The following MAGI2 variants were observed in gnomAD, a reference collection of about 807,000 sequenced individuals.
MAGI2 encodes the protein membrane-associated guanylate kinase, WW and PDZ domain-containing protein 2.
Under a neutral mutation model 133.3 loss-of-function variants are expected in MAGI2, and 35 were observed. The observed-to-expected ratio is 0.26, with a 90% CI of 0.20 to 0.35. The LOEUF (loss-of-function observed/expected upper bound fraction) is 0.35, where lower values mean the gene tolerates loss of function less well. Ranked by LOEUF, MAGI2 falls within the 10% of genes least tolerant of loss-of-function variation. The pLI is 1.00. For synonymous variants in MAGI2, 729 were observed against 710.6 expected (o/e 1.03, Z -0.41); for missense variants, 1,636 against 1,863.4 (o/e 0.88, Z 2.25).
intron 1 of MAGI2, among the ~76,000 whole-genome samples, chr7:79,220,203 T>C (rs7805028): frequency 0.6 from 90,841 of 151,662 alleles, 28,823 homozygotes; most frequent in Non-Finnish European, 0.7. Context: ...TACAGGATGG[T>C]GATGTGGTGG....
At chr7:79,381,853 A>G (rs898543783) in intron 1 of MAGI2, among the ~76,000 whole-genome samples, 2 of 151,814 alleles carry the variant, frequency 1.3e-5, no homozygotes, top group Admixed American at 1.3e-4. Flanking sequence ...TGTATTATAA[A>G]CATGTTATTA....
intron 21 of MAGI2, among the ~76,000 whole-genome samples, chr7:78,065,998 T>C (rs1813765854): frequency 6.6e-6 from 1 of 152,158 alleles, no homozygotes; most frequent in Non-Finnish European, 1.5e-5. Context: ...CTCATAATAA[T>C]GAGATGTTTT....
intron 1 of MAGI2, among the ~76,000 whole-genome samples, chr7:79,118,066 A>G (rs1442320925): frequency 6.6e-6 from 1 of 152,194 alleles, no homozygotes; most frequent in Non-Finnish European, 1.5e-5. Context: ...AATGCGATGC[A>G]AGTCCATACA....
chr7:78,862,152 C>T (rs1314071237), intron 2 of MAGI2, among the ~76,000 whole-genome samples: 2 of 152,180 alleles, frequency 1.3e-5, no homozygotes, highest in Admixed American at 1.3e-4. Flanking sequence ...TGATCCTGAA[C>T]TTAATTGTAA....
rs764428321 is a variant in MAGI2 at position 78,183,390 on chromosome 7, C to T, written c.2311+2239G>A. Among the ~76,000 whole-genome samples the T allele has an allele frequency of 4.0e-5, 6 of 151,422 alleles. No homozygotes were observed. The South Asian group carries it at 8.4e-4, about 21-fold the overall frequency. The stretch of plus-strand genomic sequence containing the variant: ...AAGCGATTCTCCTGCCTCAGCTTCC[C>T]GAGTAGCTGGGACTACAGGCAAGCA... On this transcript the variant is annotated intron_variant, in intron 13 of 21. Coordinates refer to ENST00000354212, the MANE Select transcript of MAGI2 (RefSeq NM_012301.4).
rs180732238 is a variant in MAGI2, at chr7:79,120,584, C to T, written c.302-113378G>A. On this transcript the variant is annotated intron_variant, in intron 1 of 21. Transcript: ENST00000354212. ...AGCCACTATAATTCTGGAAATAGAT[C>T]TCTCATAAGCTAGGTCCTAATCTAT... Among the ~76,000 whole-genome samples the T allele has an allele frequency of 2.9e-3, 436 of 151,994 alleles. 2 individuals carry two copies. Among genetic ancestry groups the T allele is most frequent in the Non-Finnish European group, 5.2e-3 (354 of 67,908 alleles).
intron 9 of MAGI2, among the ~76,000 whole-genome samples, chr7:78,305,087 A>T (rs1031638561): frequency 1.3e-5 from 2 of 152,216 alleles, no homozygotes; most frequent in African/African-American, 4.8e-5. Context: ...TTATCCTGAG[A>T]ATTCAGAACT....
chr7:78,867,758 G>A (rs1008474115), intron 2 of MAGI2, among the ~76,000 whole-genome samples: 1 of 152,108 alleles, frequency 6.6e-6, no homozygotes, highest in Non-Finnish European at 1.5e-5. Context: ...CATGGTGGGA[G>A]AGCTGGGGAG....
In MAGI2 at chr7:78,369,189, A is replaced by AT; in HGVS notation, c.1069dup (p.Ile357AsnfsTer3). The stretch of plus-strand genomic sequence containing the variant: ...ATAAGTGCCATAAATGGGATCATCG[A>AT]TTTTTTCCCAGCCATATGGAAGCTC... On this transcript the variant is annotated frameshift_variant, in exon 7 of 22. Coordinates refer to ENST00000354212, the MANE Select transcript of MAGI2 (RefSeq NM_012301.4). LOFTEE classifies it high-confidence loss of function. 2 of 1,605,188 alleles carry AT rather than the reference A, an allele frequency of 1.2e-6. No homozygotes were observed. Among genetic ancestry groups the AT allele is most frequent in the Non-Finnish European group, 1.7e-6 (2 of 1,174,862 alleles).
At chr7:78,448,245 C>A (rs1010814558) in intron 6 of MAGI2, among the ~76,000 whole-genome samples, 2 of 151,958 alleles carry the variant, frequency 1.3e-5, no homozygotes, top group Admixed American at 1.3e-4. Flanking sequence ...CATGGAAATG[C>A]AAAGTTTTTT....
chr7:78,637,991 G>A (rs967457927), intron 2 of MAGI2, among the ~76,000 whole-genome samples: 1 of 151,930 alleles, frequency 6.6e-6, no homozygotes, highest in Non-Finnish European at 1.5e-5. Flanking sequence ...TTGAGCCCAA[G>A]AGGTCAAGGC....
intron 1 of MAGI2, among the ~76,000 whole-genome samples, chr7:79,118,975 T>C (rs559650313): frequency 6.6e-6 from 1 of 152,268 alleles, no homozygotes; most frequent in South Asian, 2.1e-4. Flanking sequence ...TAGAAGTCTT[T>C]AGATAGAAGT....
At chr7:79,081,198 C>T (rs1257274599) in intron 1 of MAGI2, among the ~76,000 whole-genome samples, 1 of 152,096 alleles carries the variant, frequency 6.6e-6, no homozygotes, top group Non-Finnish European at 1.5e-5. Flanking sequence ...GCCTGGGACA[C>T]TCTTACTCCT....
intron 2 of MAGI2, among the ~76,000 whole-genome samples, chr7:78,752,536 G>A (rs1346554293): frequency 6.6e-6 from 1 of 152,204 alleles, no homozygotes. Flanking sequence ...CCGGGAGGCA[G>A]AGGTTGCAGT....
intron 3 of MAGI2, among the ~76,000 whole-genome samples, chr7:78,529,845 T>C (rs1228809133): frequency 2.0e-5 from 3 of 151,676 alleles, no homozygotes; most frequent in Non-Finnish European, 4.4e-5. Flanking sequence ...TAGTTAGCCA[T>C]ATTAAAAGAG....
At chr7:78,020,319 C>A (rs116785848) in intron 21 of MAGI2, among the ~76,000 whole-genome samples, 2,407 of 152,240 alleles carry the variant, frequency 0.016, 72 homozygotes, top group African/African-American at 0.055. Flanking sequence ...ACTTGACAGC[C>A]CTTGAATAAA....
intron 2 of MAGI2, among the ~76,000 whole-genome samples, chr7:78,933,417 C>G (rs886138610): frequency 6.6e-6 from 1 of 152,082 alleles, no homozygotes; most frequent in African/African-American, 2.4e-5. Context: ...TAAACTGTTG[C>G]TAATGCTTAG....
chr7:78,603,624 GC>G (rs1175498788), intron 3 of MAGI2, among the ~76,000 whole-genome samples: 1 of 152,164 alleles, frequency 6.6e-6, no homozygotes, highest in Non-Finnish European at 1.5e-5. Context: ...CCAGGTTCAA[GC>G]AATTCTCCTG....
intron 3 of MAGI2, 50 bp from the exon 4 acceptor site, chr7:78,521,695 G>A (rs762142042): frequency 4.0e-6 from 6 of 1,495,510 alleles, no homozygotes; most frequent in Non-Finnish European, 5.6e-6. Flanking sequence ...CTTCTACCAT[G>A]TACATAATTT....
Sources: allele counts gnomAD v4.1 joint callset (sites outside exome capture counted in the v4.1 genomes callset), GRCh38; gene constraint gnomAD v4.1.1; transcripts MANE v1.5; gene names NCBI Gene and HGNC (gene_info 2026-07-23, HGNC 2026-07-21).